The following RGS6 variants were observed in gnomAD, a reference collection of about 807,000 sequenced individuals.
The protein encoded by RGS6 is regulator of G protein signaling 6.
In RGS6, 30 loss-of-function variants were observed where a neutral mutation model predicts 78.5. The ratio of observed to expected loss-of-function variants is 0.38; its 90% CI spans 0.29 to 0.52. The LOEUF (loss-of-function observed/expected upper bound fraction) is 0.52, where lower values mean the gene tolerates loss of function less well. RGS6 is among the 20% of genes least tolerant of loss of function. The pLI, the probability that RGS6 is intolerant of heterozygous loss-of-function variation, is 0.85. For missense variants in RGS6, 495 were observed against 609.7 expected, an observed-to-expected ratio of 0.81 and a Z score of 1.98; for synonymous variants, 206 against 206.0, an observed-to-expected ratio of 1.00 and a Z score of 0.00.
At chr14:72,540,251 GTCTGCA>G in intron 17 of RGS6, 157 bp downstream of exon 17, 1 of 1,540,362 alleles carries the variant, frequency 6.5e-7, no homozygotes, top group Non-Finnish European at 8.6e-7. Context: ...TTTTGCGAGT[GTCTGCA>G]GCTTCTCTTC....
intron 17 of RGS6, among the ~76,000 whole-genome samples, chr14:72,560,796 ACGTGTG>A (rs1469939925): frequency 4.6e-4 from 38 of 83,314 alleles, no homozygotes; most frequent in African/African-American, 1.6e-3. Flanking sequence ...GATTTTGTGG[ACGTGTG>A]TGTGTGTGTG....
chr14:72,475,380 T>C (rs1313205433), intron 10 of RGS6, among the ~76,000 whole-genome samples: 1 of 151,864 alleles, frequency 6.6e-6, no homozygotes, highest in Non-Finnish European at 1.5e-5. Flanking sequence ...TCCCACCCTC[T>C]CCACAGCACC....
the RGS6 span, among the ~76,000 whole-genome samples, chr14:72,613,931 G>T: frequency 6.6e-6 from 1 of 152,046 alleles, no homozygotes; most frequent in African/African-American, 2.4e-5. Context: ...CCCACATCCC[G>T]GGTGCCCAGC....
At chr14:72,272,829 T>G (rs2060138380) in intron 2 of RGS6, among the ~76,000 whole-genome samples, 1 of 152,190 alleles carries the variant, frequency 6.6e-6, no homozygotes, top group African/African-American at 2.4e-5. Flanking sequence ...AGAATCGACT[T>G]GGAGACCAGG....
chr14:72,001,895 C>G (rs1008758557), intron 2 of RGS6, among the ~76,000 whole-genome samples: 1 of 92,552 alleles, frequency 1.1e-5, no homozygotes, highest in African/African-American at 4.4e-5. Context: ...ATCCATTAAT[C>G]TTTTTTTTTT....
At chr14:72,066,784 C>T (rs567016263) in intron 2 of RGS6, among the ~76,000 whole-genome samples, 12 of 150,896 alleles carry the variant, frequency 8.0e-5, no homozygotes, top group South Asian at 6.3e-4. Context: ...TTTCTTCTCC[C>T]GGTGTTCTTA....
chr14:72,069,384 A>G (rs1296776574), intron 2 of RGS6, among the ~76,000 whole-genome samples: 1 of 152,064 alleles, frequency 6.6e-6, no homozygotes, highest in Non-Finnish European at 1.5e-5. Context: ...TAGCATGCAT[A>G]CTTTATTTAT....
intron 13 of RGS6, among the ~76,000 whole-genome samples, chr14:72,507,421 C>T (rs1177423910): frequency 6.6e-6 from 1 of 152,186 alleles, no homozygotes; most frequent in East Asian, 1.9e-4. Context: ...CTGTTTTAAG[C>T]CACCCAGTTT....
intron 2 of RGS6, among the ~76,000 whole-genome samples, chr14:72,265,886 T>A (rs2058968859): frequency 6.7e-6 from 1 of 149,432 alleles, no homozygotes; most frequent in Admixed American, 6.8e-5. Context: ...CCCCAACAAT[T>A]TCAGCCTTTA....
At chr14:72,478,390 A>C (rs1484527793) in intron 12 of RGS6, 61 bp downstream of exon 12, 1 of 1,205,888 alleles carries the variant, frequency 8.3e-7, no homozygotes, top group Non-Finnish European at 1.2e-6. Flanking sequence ...GAAATGTTAC[A>C]GGGTTATGGT....
At chr14:72,161,066 A>G (rs1425353293) in intron 2 of RGS6, among the ~76,000 whole-genome samples, 2 of 152,248 alleles carry the variant, frequency 1.3e-5, no homozygotes, top group Non-Finnish European at 2.9e-5. Context: ...CAGCCATAAA[A>G]GAGGATGAGT....
chr14:71,968,645 A>G (rs1458568724), intron 2 of RGS6, among the ~76,000 whole-genome samples: 1 of 152,162 alleles, frequency 6.6e-6, no homozygotes, highest in Non-Finnish European at 1.5e-5. Flanking sequence ...TGGCCACTCC[A>G]ATCAGTTGCC....
At chr14:72,613,008 G>GTA in the RGS6 span, among the ~76,000 whole-genome samples, 1 of 151,886 alleles carries the variant, frequency 6.6e-6, no homozygotes, top group Non-Finnish European at 1.5e-5. Context: ...GTGTGTGTGT[G>GTA]TGTGTGTGTG....
chr14:72,599,393 C>CTTTTGTTTTTT, the RGS6 span, among the ~76,000 whole-genome samples: 10 of 78,226 alleles, frequency 1.3e-4, 2 homozygotes, highest in African/African-American at 5.1e-4. Context: ...CTTTTCTTTC[C>CTTTTGTTTTTT]TTTTTTTTTT....
chr14:72,387,366 A>G (rs969608319), intron 3 of RGS6, among the ~76,000 whole-genome samples: 4 of 152,076 alleles, frequency 2.6e-5, no homozygotes, highest in East Asian at 1.9e-4. Context: ...TGGCTAACAC[A>G]GCAAAACCCC....
intron 2 of RGS6, among the ~76,000 whole-genome samples, chr14:71,999,945 A>G (rs1170873897): frequency 1.3e-5 from 2 of 151,774 alleles, no homozygotes; most frequent in Non-Finnish European, 2.9e-5. Flanking sequence ...TTTTTGATGG[A>G]GTCAAAAACT....
chr14:72,373,115 T>C (rs1045919667), intron 3 of RGS6, among the ~76,000 whole-genome samples: 4 of 152,106 alleles, frequency 2.6e-5, no homozygotes, highest in African/African-American at 9.7e-5. Flanking sequence ...CCTTTTCCTG[T>C]CTAGGTCCTC....
intron 2 of RGS6, among the ~76,000 whole-genome samples, chr14:72,156,252 C>A (rs1456441481): frequency 6.6e-6 from 1 of 152,138 alleles, no homozygotes; most frequent in Non-Finnish European, 1.5e-5. Context: ...CGAGAACAGC[C>A]TGGCCAACAT....
chr14:72,576,515 AC>A, the RGS6 span, among the ~76,000 whole-genome samples: 2 of 152,346 alleles, frequency 1.3e-5, no homozygotes, highest in South Asian at 4.2e-4. Flanking sequence ...TGCTTTCAAC[AC>A]CTTGAAACAT....
Sources: gnomAD v4.1 joint callset for allele counts (sites outside exome capture counted in the v4.1 genomes callset) on GRCh38, gnomAD v4.1.1 for gene constraint, MANE v1.5 for transcripts, NCBI Gene and HGNC (gene_info 2026-07-23, HGNC 2026-07-21) for gene names.